The following SLC25A33 variants were observed in gnomAD, a reference collection of about 807,000 sequenced individuals.
SLC25A33 encodes solute carrier family 25 member 33, also known as bone marrow stromal cell mitochondrial carrier protein.
A neutral mutation model predicts 35.5 loss-of-function variants in SLC25A33; 15 were observed. That is an observed-to-expected ratio of 0.42 (90% confidence interval 0.28 to 0.65). The LOEUF is 0.65. Among genes scored for constraint, SLC25A33 ranks in the 30% least tolerant of loss-of-function variants. The pLI is 0.20. For synonymous variants in SLC25A33, 136 were observed against 148.7 expected (o/e 0.91, Z 0.62); for missense variants, 257 against 398.5 (o/e 0.64, Z 3.02).
chr1:9,558,618 C>T (rs1051972659), intron 2 of SLC25A33, among the ~76,000 whole-genome samples: 11 of 152,226 alleles, frequency 7.2e-5, no homozygotes, highest in Non-Finnish European at 1.6e-4. Flanking sequence ...TTTCCAGCTA[C>T]ACAGATCTCA....
intron 5 of SLC25A33, chr1:9,576,732 G>A: frequency 1.2e-6 from 1 of 817,562 alleles, no homozygotes; most frequent in Non-Finnish European, 2.0e-6. Context: ...TTATCCAGGA[G>A]GATGGGTCTC....
At chr1:9,557,825 C>T (rs941460999) in intron 2 of SLC25A33, among the ~76,000 whole-genome samples, 4 of 151,996 alleles carry the variant, frequency 2.6e-5, no homozygotes, top group South Asian at 4.1e-4. Flanking sequence ...TGTCCTTGAG[C>T]CCAGGAGATC....
rs776826348 is a variant in SLC25A33 at position 9,567,312 on chromosome 1, T to C, written c.265T>C (p.Ser89Pro). 1.2e-6 allele frequency: 2 copies of C among 1,613,906 alleles called. No homozygotes were observed. The highest frequency in any genetic ancestry group is 2.7e-5 in the African/African-American group (2 of 74,932). The stretch of plus-strand genomic sequence containing the variant: ...GATCTTGGAGAAAGAGGGACCAAAG[T>C]CACTTTTTAGAGGCTTGGGTCCAAA... Reference protein sequence around the residue: ...KSILEKEGPKSLFRGLGPNLV... With the variant: ...KSILEKEGPKPLFRGLGPNLV... The change falls in exon 3 of 7, where the codon TCA becomes CCA. Residue 89 changes from serine to proline, a missense_variant. Coordinates refer to ENST00000302692, the MANE Select transcript of SLC25A33 (RefSeq NM_032315.3).
At chr1:9,565,854 G>A (rs1643494849) in intron 2 of SLC25A33, among the ~76,000 whole-genome samples, 1 of 151,428 alleles carries the variant, frequency 6.6e-6, no homozygotes, top group East Asian at 1.9e-4. Context: ...TTCCAGCCTG[G>A]GTGACAGAGT....
rs1013955175 is a variant in SLC25A33 at position 9,553,883 on chromosome 1, A to G, written c.236+78A>G. The G allele has an allele frequency of 7.0e-6, 10 of 1,422,516 alleles. No individual in the cohort carries two copies. In the African/African-American group the frequency reaches 1.3e-4, roughly 18 times the overall value. 88.1% of individuals were successfully genotyped at this position (1,422,516 alleles called of 1,614,324 possible). A position where few individuals can be genotyped will look rare whatever the true frequency, so the allele number is the denominator to read the frequency against. On this transcript the variant is annotated intron_variant, in intron 2 of 6. Coordinates refer to ENST00000302692, the MANE Select transcript of SLC25A33 (RefSeq NM_032315.3). Reference sequence around the variant, plus strand: ...TCAACAGAGAATGTTCATCAAGCTTATCAAATGTGATGTTCTGTTTGCATA... The same window carrying G: ...TCAACAGAGAATGTTCATCAAGCTTGTCAAATGTGATGTTCTGTTTGCATA...
chr1:9,549,270 G>C (rs1207360628), intron 1 of SLC25A33, among the ~76,000 whole-genome samples: 6 of 151,402 alleles, frequency 4.0e-5, no homozygotes, highest in Non-Finnish European at 7.4e-5. Flanking sequence ...CTGCCTGCAA[G>C]CTCCCCAGGG....
chr1:9,559,840 CAGAG>C lies in SLC25A33; in HGVS notation c.236+6038_236+6041del, dbSNP rs1643396897. On this transcript the variant is annotated intron_variant, in intron 2 of 6. Coordinates refer to ENST00000302692, the MANE Select transcript of SLC25A33 (RefSeq NM_032315.3). Reference sequence around the variant, plus strand: ...AGCTAACGGCGGTGACGATGGTTTACAGAGAGGGTCTTTATCTAGTAAGTGATCA... The same window carrying C: ...AGCTAACGGCGGTGACGATGGTTTACAGGGTCTTTATCTAGTAAGTGATCA... 1.3e-5 allele frequency among the ~76,000 whole-genome samples: 2 copies of C among 152,166 alleles called. 1 individual carries two copies. The highest frequency in any genetic ancestry group is 4.1e-4 in the South Asian group (2 of 4,832).
chr1:9,564,931 GAATAA>G (rs1173007647), intron 2 of SLC25A33, among the ~76,000 whole-genome samples: 1 of 150,782 alleles, frequency 6.6e-6, no homozygotes, highest in Admixed American at 6.6e-5. Flanking sequence ...CTCAAAAAAG[GAATAA>G]AATAAAAAGA....
chr1:9,561,135 G>T (rs1643418253), intron 2 of SLC25A33, among the ~76,000 whole-genome samples: 1 of 151,954 alleles, frequency 6.6e-6, no homozygotes, highest in African/African-American at 2.4e-5. Flanking sequence ...GTAGAGACGG[G>T]GTTTCAGCGG....
intron 2 of SLC25A33, among the ~76,000 whole-genome samples, chr1:9,564,022 A>G (rs965022581): frequency 1.3e-5 from 2 of 152,200 alleles, no homozygotes; most frequent in Admixed American, 6.5e-5. Flanking sequence ...AGTGCTATCA[A>G]ATGGATGGTA....
intron 1 of SLC25A33, among the ~76,000 whole-genome samples, chr1:9,544,188 A>C (rs145908553): frequency 3.5e-4 from 53 of 152,144 alleles, no homozygotes; most frequent in African/African-American, 1.2e-3. Context: ...ATGTTTTCCC[A>C]CCTAGTATGG....
intron 3 of SLC25A33, among the ~76,000 whole-genome samples, chr1:9,569,723 G>A (rs938836737): frequency 7.2e-5 from 11 of 152,166 alleles, no homozygotes; most frequent in African/African-American, 2.4e-4. Context: ...GGGGAAAAGT[G>A]AAGAGAAAAC....
intron 2 of SLC25A33, among the ~76,000 whole-genome samples, chr1:9,565,341 C>G (rs1189329679): frequency 6.6e-6 from 1 of 151,656 alleles, no homozygotes; most frequent in Non-Finnish European, 1.5e-5. Context: ...ACAGTGAAAC[C>G]CTGTGTCTAC....
At chr1:9,562,810 G>T (rs1273907933) in intron 2 of SLC25A33, among the ~76,000 whole-genome samples, 1 of 145,380 alleles carries the variant, frequency 6.9e-6, no homozygotes, top group East Asian at 2.0e-4. Context: ...CCAAGATCGC[G>T]CCATTGCACT....
At chr1:9,561,380 A>C (rs1643422427) in intron 2 of SLC25A33, among the ~76,000 whole-genome samples, 1 of 152,196 alleles carries the variant, frequency 6.6e-6, no homozygotes, top group South Asian at 2.1e-4. Context: ...TATGATATAA[A>C]ACAGTGAAGA....
intron 2 of SLC25A33, among the ~76,000 whole-genome samples, chr1:9,563,224 G>A (rs114712457): frequency 0.012 from 1,758 of 152,136 alleles, 31 homozygotes; most frequent in African/African-American, 0.04. Flanking sequence ...GCGCCCGGCC[G>A]ATTCTTTAGT....
intron 1 of SLC25A33, among the ~76,000 whole-genome samples, chr1:9,547,477 T>A (rs1389116896): frequency 6.6e-6 from 1 of 150,758 alleles, no homozygotes; most frequent in Non-Finnish European, 1.5e-5. Context: ...AAATTAGGGA[T>A]CTTGTTAAGA....
chr1:9,556,471 C>G (rs1003771275), intron 2 of SLC25A33, among the ~76,000 whole-genome samples: 1 of 152,122 alleles, frequency 6.6e-6, no homozygotes, highest in Non-Finnish European at 1.5e-5. Flanking sequence ...GGACCAGAAG[C>G]AATGCAGATT....
chr1:9,543,056 G>C (rs2100365437), intron 1 of SLC25A33, among the ~76,000 whole-genome samples: 1 of 152,270 alleles, frequency 6.6e-6, no homozygotes, highest in East Asian at 1.9e-4. Flanking sequence ...GACCTCAAGT[G>C]ATCCACCTGC....
Sources: allele counts gnomAD v4.1 joint callset (sites outside exome capture counted in the v4.1 genomes callset), GRCh38; gene constraint gnomAD v4.1.1; transcripts MANE v1.5; gene names NCBI Gene and HGNC (gene_info 2026-07-23, HGNC 2026-07-21).